Variants in ERAP1 observed in about 807,000 individuals in gnomAD.
ERAP1 encodes endoplasmic reticulum aminopeptidase 1, also known as adipocyte-derived leucine aminopeptidase.
In ERAP1, 86 loss-of-function variants were observed where a neutral mutation model predicts 103.7. That is an observed-to-expected ratio of 0.83 (90% confidence interval 0.70 to 0.99). ERAP1 has a LOEUF of 0.99. ERAP1 is among the 50% of genes least tolerant of loss of function. The pLI, the probability that ERAP1 is intolerant of heterozygous loss-of-function variation, is 0.00. For missense variants in ERAP1, 1,009 were observed against 1,128.4 expected (o/e 0.89, Z 1.52); for synonymous variants, 398 against 402.4 (o/e 0.99, Z 0.13).
downstream of ERAP1, chr5:96,771,679 A>C: frequency 6.2e-7 from 1 of 1,610,712 alleles, no homozygotes; most frequent in South Asian, 1.1e-5. Flanking sequence ...AAGATGACTA[A>C]AGAAATACAA....
intron 17 of ERAP1, 139 bp from the exon 18 acceptor site, chr5:96,780,643 G>A (rs1775035738): frequency 1.4e-6 from 1 of 722,806 alleles, no homozygotes; most frequent in Admixed American, 2.1e-5. Context: ...CTATCCAATG[G>A]GTTAAGATCT....
the ERAP1 span, chr5:96,900,199 AAG>A: frequency 9.3e-6 from 15 of 1,613,406 alleles, no homozygotes; most frequent in Middle Eastern, 1.6e-4. Flanking sequence ...GGTAAGGATA[AAG>A]AGAGTCACAG....
chr5:96,909,066 T>C, the ERAP1 span: 2 of 1,614,196 alleles, frequency 1.2e-6, no homozygotes, highest in Non-Finnish European at 1.7e-6. Context: ...TGGAATCGTT[T>C]TACCACATGA....
the ERAP1 span, among the ~76,000 whole-genome samples, chr5:96,916,360 T>C: frequency 6.6e-6 from 1 of 152,122 alleles, no homozygotes; most frequent in Non-Finnish European, 1.5e-5. Context: ...TATTATTTCT[T>C]TCATATTGTA....
chr5:96,872,104 T>A, the ERAP1 span, among the ~76,000 whole-genome samples: 1 of 152,142 alleles, frequency 6.6e-6, no homozygotes, highest in East Asian at 1.9e-4. Context: ...CAATAATTCT[T>A]AGAAGTATTT....
the ERAP1 span, among the ~76,000 whole-genome samples, chr5:96,860,586 G>T: frequency 2.6e-5 from 4 of 152,226 alleles, no homozygotes; most frequent in East Asian, 7.7e-4. Flanking sequence ...GAATGAAAAA[G>T]ACATGGGCCC....
the ERAP1 span, among the ~76,000 whole-genome samples, chr5:96,874,180 A>AGAGAG: frequency 3.6e-5 from 3 of 82,320 alleles, no homozygotes; most frequent in African/African-American, 1.7e-4. Flanking sequence ...GAAAGAAAGA[A>AGAGAG]AGAGAGAGAG....
the ERAP1 span, among the ~76,000 whole-genome samples, chr5:96,881,687 T>C: frequency 1.3e-5 from 2 of 152,132 alleles, no homozygotes; most frequent in African/African-American, 2.4e-5. Flanking sequence ...TGCTCAGCCA[T>C]CCTATGGCTT....
chr5:96,909,182 A>C, the ERAP1 span: 1 of 1,536,640 alleles, frequency 6.5e-7, no homozygotes, highest in Non-Finnish European at 8.9e-7. Context: ...AGTCAGGCTC[A>C]GTTTGTTTTG....
chr5:96,905,840 T>G, the ERAP1 span, among the ~76,000 whole-genome samples: 1 of 152,108 alleles, frequency 6.6e-6, no homozygotes, highest in African/African-American at 2.4e-5. Context: ...CCAGCCTGGG[T>G]GACCGAATAA....
At chr5:96,864,130 TG>T in the ERAP1 span, among the ~76,000 whole-genome samples, 1 of 152,198 alleles carries the variant, frequency 6.6e-6, no homozygotes, top group Admixed American at 6.5e-5. Flanking sequence ...GTTGACTTCC[TG>T]GCAATACTTA....
chr5:96,872,139 T>C, the ERAP1 span, among the ~76,000 whole-genome samples: 1 of 152,120 alleles, frequency 6.6e-6, no homozygotes, highest in Non-Finnish European at 1.5e-5. Flanking sequence ...GAGATCCTTT[T>C]GAAAAATAAA....
At chr5:96,861,161 C>A in the ERAP1 span, among the ~76,000 whole-genome samples, 3 of 152,136 alleles carry the variant, frequency 2.0e-5, no homozygotes, top group East Asian at 5.8e-4. Context: ...GGCATCTGAC[C>A]ACTCCACAAC....
the ERAP1 span, among the ~76,000 whole-genome samples, chr5:96,915,477 T>C: frequency 4.7e-5 from 5 of 105,756 alleles, no homozygotes; most frequent in Non-Finnish European, 1.0e-4. Flanking sequence ...AAAGAAGCTG[T>C]ATCTACATTT....
chr5:96,770,550 C>T (rs1157295419), downstream of ERAP1: 10 of 1,612,878 alleles, frequency 6.2e-6, no homozygotes. Context: ...AAGAAGGCTG[C>T]TTCCAGCTCC....
the ERAP1 span, chr5:96,889,404 A>C: frequency 2.2e-6 from 3 of 1,333,872 alleles, no homozygotes; most frequent in South Asian, 2.3e-5. Context: ...ATGAGCACTG[A>C]GGAATTCAGT....
the ERAP1 span, among the ~76,000 whole-genome samples, chr5:96,927,824 T>C: frequency 6.6e-6 from 1 of 152,256 alleles, no homozygotes; most frequent in African/African-American, 2.4e-5. Flanking sequence ...AAATTCTTTA[T>C]ATATGCTAGA....
At chr5:96,784,243 C>T (rs1303395802) in intron 13 of ERAP1, among the ~76,000 whole-genome samples, 163 bp from the exon 14 acceptor site, 1 of 152,104 alleles carries the variant, frequency 6.6e-6, no homozygotes, top group Non-Finnish European at 1.5e-5. Flanking sequence ...GCCTGTAATC[C>T]CAGCACTTTA....
At chr5:96,796,658 ACT>A (rs1777375129) in intron 4 of ERAP1, among the ~76,000 whole-genome samples, 2 of 152,200 alleles carry the variant, frequency 1.3e-5, no homozygotes, top group Non-Finnish European at 2.9e-5. Flanking sequence ...GCCAGGCCAC[ACT>A]CTCTCCACGT....
Sources: allele counts gnomAD v4.1 joint callset (sites outside exome capture counted in the v4.1 genomes callset), GRCh38; gene constraint gnomAD v4.1.1; transcripts MANE v1.5; gene names NCBI Gene and HGNC (gene_info 2026-07-23, HGNC 2026-07-21).